The following SLC35A1 variants were observed in gnomAD, a reference collection of about 807,000 sequenced individuals.
The protein encoded by SLC35A1 is solute carrier family 35 member A1, also known as CMP-sialic acid transporter.
A neutral mutation model predicts 40.3 loss-of-function variants in SLC35A1; 21 were observed. That is an observed-to-expected ratio of 0.52 (90% CI 0.37 to 0.75). SLC35A1 has a LOEUF of 0.75. Among genes scored for constraint, SLC35A1 ranks in the 30% least tolerant of loss-of-function variants. The probability of loss-of-function intolerance (pLI) is 0.00; values close to 1 mark genes in which losing one functional copy is unlikely to be tolerated. For missense variants in SLC35A1, 297 were observed against 382.1 expected (o/e 0.78, Z 1.86); for synonymous variants, 146 against 147.3 (o/e 0.99, Z 0.06).
chr6:87,489,306 G>A (rs1769475318), intron 2 of SLC35A1, among the ~76,000 whole-genome samples: 1 of 152,046 alleles, frequency 6.6e-6, no homozygotes, highest in Admixed American at 6.6e-5. Flanking sequence ...TGAATGGTTT[G>A]GTACTGTTTT....
intron 2 of SLC35A1, among the ~76,000 whole-genome samples, chr6:87,497,298 C>T (rs183677846): frequency 1.3e-4 from 20 of 151,936 alleles, no homozygotes; most frequent in African/African-American, 4.8e-4. Flanking sequence ...TTCTGGTATA[C>T]CTTGGTTTCT....
intron 4 of SLC35A1, among the ~76,000 whole-genome samples, chr6:87,501,563 C>T (rs1287359069): frequency 6.6e-6 from 1 of 152,190 alleles, no homozygotes; most frequent in East Asian, 1.9e-4. Flanking sequence ...GTTCCATCCC[C>T]TCCATTTTAT....
At position 87,501,214 on chromosome 6, in the gene SLC35A1, C is replaced by T. The variant is rs15992; in HGVS notation, c.411C>T (p.Asn137=). The change falls in exon 4 of 8, where the codon AAC becomes AAT. Residue 137 remains asparagine (N), a synonymous_variant. Coordinates refer to ENST00000369552, the MANE Select transcript of SLC35A1 (RefSeq NM_006416.5). The part of the protein sequence containing the change: ...CTALCTVLML[N]RTLSKLQWVS... The stretch of plus-strand genomic sequence containing the variant: ...CTTTATGCACTGTTTTAATGTTAAA[C>T]CGGACACTCAGCAAATTACAGTGGG... 2.5e-6 allele frequency: 4 copies of T among 1,613,904 alleles called. No homozygotes were observed. The highest frequency in any genetic ancestry group is 3.4e-6 in the Non-Finnish European group (4 of 1,179,876).
intron 1 of SLC35A1, among the ~76,000 whole-genome samples, chr6:87,475,677 T>C (rs912455798): frequency 1.3e-5 from 2 of 152,214 alleles, no homozygotes; most frequent in African/African-American, 4.8e-5. Flanking sequence ...GATCCAACCA[T>C]ACTGTATCTA....
chr6:87,487,333 G>A (rs916236199), intron 2 of SLC35A1, among the ~76,000 whole-genome samples: 4 of 152,162 alleles, frequency 2.6e-5, no homozygotes, highest in South Asian at 2.1e-4. Flanking sequence ...CACAGGTCAC[G>A]AAGAGAAGTT....
intron 2 of SLC35A1, among the ~76,000 whole-genome samples, chr6:87,496,702 C>G (rs193192293): frequency 1.3e-3 from 192 of 150,278 alleles, no homozygotes; most frequent in African/African-American, 4.0e-3. Flanking sequence ...ATCACTTGAA[C>G]CCAGGAGGTG....
chr6:87,490,328 TGTC>T (rs1769510280), intron 2 of SLC35A1, among the ~76,000 whole-genome samples: 1 of 146,676 alleles, frequency 6.8e-6, no homozygotes, highest in Non-Finnish European at 1.5e-5. Flanking sequence ...TGATATATAT[TGTC>T]ATCATTTTTT....
chr6:87,495,015 G>T (rs1421300315), intron 2 of SLC35A1, among the ~76,000 whole-genome samples: 1 of 152,016 alleles, frequency 6.6e-6, no homozygotes, highest in Non-Finnish European at 1.5e-5. Flanking sequence ...TGTCACCCAG[G>T]CTGGAGTGCA....
chr6:87,480,410 G>A (rs1435554969), intron 2 of SLC35A1, among the ~76,000 whole-genome samples: 1 of 152,234 alleles, frequency 6.6e-6, no homozygotes, highest in Non-Finnish European at 1.5e-5. Flanking sequence ...GCACACAAGT[G>A]TAACAGTTAC....
intron 2 of SLC35A1, among the ~76,000 whole-genome samples, chr6:87,490,114 A>T (rs1481088083): frequency 2.0e-5 from 3 of 151,716 alleles, no homozygotes; most frequent in Non-Finnish European, 4.4e-5. Context: ...CTTTAGTCCC[A>T]GCTACTTCAG....
At position 87,511,602 on chromosome 6, in the gene SLC35A1, G is replaced by C. The variant is rs1770278601; in HGVS notation, c.*76G>C. ...TAGAGCCTTAAGTCAATCTCAGAAG[G>C]TAGCATAAACAAATAAAAATTAACT... is the stretch of plus-strand genomic sequence containing the variant. On this transcript the variant is annotated 3_prime_UTR_variant, in exon 8 of 8. Coordinates refer to ENST00000369552, the MANE Select transcript of SLC35A1 (RefSeq NM_006416.5). 2 of 1,499,084 alleles carry C rather than the reference G, an allele frequency of 1.3e-6. No homozygotes were observed. Among genetic ancestry groups the C allele is most frequent in the East Asian group, 4.5e-5 (2 of 44,206 alleles). 92.9% of individuals were successfully genotyped at this position (1,499,084 alleles called of 1,614,324 possible).
intron 2 of SLC35A1, among the ~76,000 whole-genome samples, chr6:87,477,986 TATAATA>T (rs901619938): frequency 1.3e-5 from 2 of 152,214 alleles, no homozygotes; most frequent in African/African-American, 4.8e-5. Flanking sequence ...TTTGGATGAA[TATAATA>T]ATAATAACAT....
intron 2 of SLC35A1, among the ~76,000 whole-genome samples, chr6:87,498,012 G>T (rs1182506664): frequency 6.6e-6 from 1 of 151,930 alleles, no homozygotes; most frequent in Admixed American, 6.6e-5. Context: ...ACAGGTGTGA[G>T]CCACCACACC....
At chr6:87,495,220 A>G (rs1173440348) in intron 2 of SLC35A1, among the ~76,000 whole-genome samples, 1 of 152,190 alleles carries the variant, frequency 6.6e-6, no homozygotes, top group Non-Finnish European at 1.5e-5. Flanking sequence ...ATGGCCTCCC[A>G]GCATGCTGGG....
chr6:87,477,898 G>A (rs1336376710), intron 2 of SLC35A1, among the ~76,000 whole-genome samples: 1 of 152,172 alleles, frequency 6.6e-6, no homozygotes, highest in East Asian at 1.9e-4. Flanking sequence ...TGGTTTTGGT[G>A]TAATGGAGAC....
Position 87,478,932 on chromosome 6 carries a change from C to T in SLC35A1, c.194+1393C>T, listed in dbSNP as rs117160102. ...ATGCACGTGGCCTCTATGGCTCTGT[C>T]GTTCCCCTATTGGCTAGGGTTAGAC... is the stretch of plus-strand genomic sequence containing the variant. On this transcript the variant is annotated intron_variant, in intron 2 of 7. Transcript: ENST00000369552. 7.5e-3 allele frequency among the ~76,000 whole-genome samples: 1,145 copies of T among 152,250 alleles called. 9 individuals are homozygous for T. The highest frequency in any genetic ancestry group is 0.041 in the Middle Eastern group (12 of 294).
At chr6:87,500,149 AAAGT>A (rs1174278958) in intron 2 of SLC35A1, among the ~76,000 whole-genome samples, 15 of 152,304 alleles carry the variant, frequency 9.8e-5, no homozygotes, top group African/African-American at 3.6e-4. Flanking sequence ...GATCAATTAA[AAAGT>A]AATCAGGGTG....
chr6:87,501,074 ATTTT>A, intron 3 of SLC35A1, 80 bp from the exon 4 acceptor site: 1 of 1,304,030 alleles, frequency 7.7e-7, no homozygotes, highest in Non-Finnish European at 1.1e-6. Context: ...TTTATTGATA[ATTTT>A]ATCAATGATA....
intron 2 of SLC35A1, among the ~76,000 whole-genome samples, chr6:87,483,513 C>T (rs1294874931): frequency 2.0e-5 from 3 of 152,082 alleles, no homozygotes; most frequent in African/African-American, 7.3e-5. Context: ...TTCAACCCCT[C>T]GTAATGGGGA....
Sources: gnomAD v4.1 joint callset for allele counts (sites outside exome capture counted in the v4.1 genomes callset) on GRCh38, gnomAD v4.1.1 for gene constraint, MANE v1.5 for transcripts, NCBI Gene and HGNC (gene_info 2026-07-23, HGNC 2026-07-21) for gene names.